Variants in CELF2 observed in about 807,000 individuals in gnomAD.
The protein encoded by CELF2 is CUG triplet repeat RNA-binding protein 2.
CELF2 carries 8 observed loss-of-function variants against 62.6 expected under a neutral mutation model. That is an observed-to-expected ratio of 0.13 (90% CI 0.07 to 0.23). CELF2 has a LOEUF of 0.23. Ranked by LOEUF, CELF2 falls within the 10% of genes least tolerant of loss-of-function variation. The pLI is 1.00. For missense variants in CELF2, 333 were observed against 671.0 expected, an observed-to-expected ratio of 0.50 and a Z score of 5.56; for synonymous variants, 258 against 250.0, an observed-to-expected ratio of 1.03 and a Z score of -0.30.
intron 2 of CELF2, among the ~76,000 whole-genome samples, chr10:10,932,424 A>G (rs1162206814): frequency 2.6e-5 from 4 of 152,210 alleles, no homozygotes; most frequent in African/African-American, 9.7e-5. Context: ...AAAAAGATCA[A>G]TATGTGAAGT....
intron 8 of CELF2, among the ~76,000 whole-genome samples, chr10:11,277,885 T>G (rs2086730159): frequency 6.6e-6 from 1 of 152,210 alleles, no homozygotes; most frequent in Non-Finnish European, 1.5e-5. Context: ...CATGTAATTT[T>G]TCTGTATTAC....
At chr10:10,902,742 T>A (rs2063027299) in intron 1 of CELF2, among the ~76,000 whole-genome samples, 3 of 151,518 alleles carry the variant, frequency 2.0e-5, no homozygotes, top group Non-Finnish European at 4.4e-5. Flanking sequence ...TGATCATCTG[T>A]CAGTTACACC....
the CELF2 span, among the ~76,000 whole-genome samples, chr10:10,478,688 T>C: frequency 6.6e-6 from 1 of 152,160 alleles, no homozygotes; most frequent in Non-Finnish European, 1.5e-5. Flanking sequence ...AAGCTACCCA[T>C]GCAGGGATCG....
At chr10:11,142,683 CAA>C (rs1006618543) in intron 1 of CELF2, among the ~76,000 whole-genome samples, 5 of 63,720 alleles carry the variant, frequency 7.8e-5, no homozygotes, top group Admixed American at 3.3e-4. Flanking sequence ...GACGCTGTCT[CAA>C]AAAAAAAAAA....
intron 1 of CELF2, among the ~76,000 whole-genome samples, chr10:11,123,429 T>C (rs1236020617): frequency 6.6e-6 from 1 of 152,086 alleles, no homozygotes; most frequent in Non-Finnish European, 1.5e-5. Context: ...TATTTTATTT[T>C]TTGTAGAGAC....
rs1234424678 is a variant in CELF2, at chr10:11,309,353, A to C, written c.977-4786A>C. ...TAGCAAGAATAATTCAGTGAAGTCT[A>C]TTCCCCTGCACTGTGCCTCTGCTGT... On this transcript the variant is annotated intron_variant, in intron 9 of 12. Transcript: ENST00000633077. This position sits in a 1 kb window ranked among gnomAD's most constrained non-coding sequence, Gnocchi z 5.6. 6.6e-6 allele frequency among the ~76,000 whole-genome samples: 1 copy of C among 152,202 alleles called. No individual in the cohort carries two copies. The highest frequency in any genetic ancestry group is 1.5e-5 in the Non-Finnish European group (1 of 68,026).
intron 1 of CELF2, among the ~76,000 whole-genome samples, chr10:10,810,496 A>G (rs938990743): frequency 6.6e-6 from 1 of 152,104 alleles, no homozygotes; most frequent in African/African-American, 2.4e-5. Flanking sequence ...GCATCCCCCA[A>G]TGGGGGCAGC....
At chr10:10,724,671 GAA>G in the CELF2 span, among the ~76,000 whole-genome samples, 1 of 137,438 alleles carries the variant, frequency 7.3e-6, no homozygotes, top group African/African-American at 2.7e-5. Flanking sequence ...AAAAAAAAAA[GAA>G]AAAAGAAAAG....
intron 1 of CELF2, among the ~76,000 whole-genome samples, chr10:11,047,074 TCTTC>T (rs1329746246): frequency 2.6e-5 from 4 of 152,156 alleles, no homozygotes; most frequent in Admixed American, 6.5e-5. Context: ...TCCTTTAAAC[TCTTC>T]CTATTTAAGC....
chr10:11,304,067 C>T (rs1301830108), intron 9 of CELF2, among the ~76,000 whole-genome samples: 2 of 152,204 alleles, frequency 1.3e-5, no homozygotes, highest in Non-Finnish European at 2.9e-5. Flanking sequence ...TTACCACCAA[C>T]CTCATGGCTT....
chr10:10,702,679 G>A, the CELF2 span, among the ~76,000 whole-genome samples: 1 of 152,158 alleles, frequency 6.6e-6, no homozygotes, highest in Non-Finnish European at 1.5e-5. Context: ...CCGCCTCCTA[G>A]GTTCAAGTGA....
Position 11,328,839 on chromosome 10 carries a change from T to C in CELF2, c.1439-87T>C. 2.0e-6 allele frequency: 3 copies of C among 1,480,934 alleles called. No homozygotes were observed. The South Asian group carries it at 3.9e-5, about 19-fold the overall frequency. The allele number at this position is 1,480,934 out of a possible 1,614,324, so 91.7% of individuals were successfully genotyped here. A position where few individuals can be genotyped will look rare whatever the true frequency, so the allele number is the denominator to read the frequency against. On this transcript the variant is annotated intron_variant, in intron 12 of 12. Transcript: ENST00000633077. The surrounding 1 kb of genome is among the most constrained non-coding windows in gnomAD (Gnocchi z 6.4). ...TGGGGCTGGCACCTCATGCTGGCTCTTCAGCCTTCCCCAGAGCTCCAGCCC... is the reference window on the plus strand; with the variant it reads ...TGGGGCTGGCACCTCATGCTGGCTCCTCAGCCTTCCCCAGAGCTCCAGCCC...
intron 1 of CELF2, among the ~76,000 whole-genome samples, chr10:10,851,796 G>A (rs775299336): frequency 4.6e-5 from 7 of 152,066 alleles, no homozygotes; most frequent in South Asian, 4.1e-4. Flanking sequence ...CAAAAAAATC[G>A]AGCAGGCATA....
intron 2 of CELF2, among the ~76,000 whole-genome samples, chr10:10,949,783 A>G (rs1339174228): frequency 6.7e-6 from 1 of 149,566 alleles, no homozygotes; most frequent in African/African-American, 2.5e-5. Context: ...CCTGGTTAAC[A>G]GAGTGAGACT....
rs2074463414 is a variant in CELF2 at position 11,243,063 on chromosome 10, C to T, written c.355-6090C>T. Among the ~76,000 whole-genome samples, 1 of 152,154 alleles carries T rather than the reference C, an allele frequency of 6.6e-6. No homozygotes were observed. Among genetic ancestry groups the T allele is most frequent in the South Asian group, 2.1e-4 (1 of 4,822 alleles). On this transcript the variant is annotated intron_variant, in intron 3 of 12. Transcript: ENST00000633077. The surrounding 1 kb of genome is among the most constrained non-coding windows in gnomAD (Gnocchi z 4.1). ...AAGAAGCTCCAGCTCACTGAAAGCC[C>T]AAGCAGACCCCTGAAGGACTATATC...
rs1377794999 is a variant in CELF2, at chr10:11,318,951, T to C, written c.1097-2238T>C. ...CAGACAAGGCATCATGGTGGTGCGA[T>C]GCTGCCCACCCCTCCATGGGAACTT... On this transcript the variant is annotated intron_variant, in intron 10 of 12. Transcript: ENST00000633077. This position sits in a 1 kb window ranked among gnomAD's most constrained non-coding sequence, Gnocchi z 5.4. 5 of 471,052 alleles carry C rather than the reference T, an allele frequency of 1.1e-5. No homozygotes were observed. The highest frequency in any genetic ancestry group is 2.3e-5 in the Admixed American group (1 of 42,574). 29.2% of individuals were successfully genotyped at this position (471,052 alleles called of 1,614,324 possible). A position where few individuals can be genotyped will look rare whatever the true frequency, so the allele number is the denominator to read the frequency against.
chr10:10,897,752 A>C (rs1211738484), intron 1 of CELF2, among the ~76,000 whole-genome samples: 1 of 152,236 alleles, frequency 6.6e-6, no homozygotes, highest in Admixed American at 6.5e-5. Context: ...GCATTATATC[A>C]GCAGAAACAC....
the CELF2 span, among the ~76,000 whole-genome samples, chr10:10,719,446 C>T: frequency 2.6e-5 from 4 of 151,882 alleles, no homozygotes; most frequent in Admixed American, 1.3e-4. Context: ...TGTTGTTTTT[C>T]GTAGAGATGG....
chr10:11,016,181 A>C (rs1458364131), upstream of CELF2, among the ~76,000 whole-genome samples: 2 of 152,228 alleles, frequency 1.3e-5, no homozygotes, highest in Non-Finnish European at 2.9e-5. This position sits in a 1 kb window ranked among gnomAD's most constrained non-coding sequence, Gnocchi z 5.2. Flanking sequence ...ATTGAAGACC[A>C]ATCAAAATCC....
Sources: gnomAD v4.1 joint callset for allele counts (sites outside exome capture counted in the v4.1 genomes callset) on GRCh38, gnomAD v4.1.1 for gene constraint, Gnocchi (gnomAD v3.1) non-coding constraint, MANE v1.5 for transcripts, NCBI Gene and HGNC (gene_info 2026-07-23, HGNC 2026-07-21) for gene names.